The following ZNF536 variants were observed in gnomAD, a reference collection of about 807,000 sequenced individuals.
ZNF536 encodes the protein zinc finger protein 536.
Under a neutral mutation model 84.5 loss-of-function variants are expected in ZNF536, and 13 were observed. That is an observed-to-expected ratio of 0.15 (90% CI 0.10 to 0.24). The LOEUF (loss-of-function observed/expected upper bound fraction) is 0.24, where lower values mean the gene tolerates loss of function less well. ZNF536 is among the 10% of genes least tolerant of loss of function. The pLI is 1.00. For missense variants in ZNF536, 1,536 were observed against 1,747.5 expected (o/e 0.88, Z 2.16); for synonymous variants, 811 against 742.5 (o/e 1.09, Z -1.50).
intron 1 of ZNF536, among the ~76,000 whole-genome samples, chr19:30,669,030 G>A (rs2050443752): frequency 6.6e-6 from 1 of 152,204 alleles, no homozygotes; most frequent in South Asian, 2.1e-4. Flanking sequence ...ACACGCCTGG[G>A]TGCATTGTGC....
At chr19:30,387,408 G>T (rs1345313887) in intron 1 of ZNF536, among the ~76,000 whole-genome samples, 1 of 152,218 alleles carries the variant, frequency 6.6e-6, no homozygotes, top group African/African-American at 2.4e-5. Context: ...GGAGGCTGAT[G>T]CAGGGGCCAT....
intron 2 of ZNF536, among the ~76,000 whole-genome samples, chr19:30,329,264 C>T (rs180935546): frequency 2.0e-5 from 3 of 152,296 alleles, no homozygotes; most frequent in East Asian, 3.9e-4. Context: ...TTACAGGGAA[C>T]ATTTTTGCTT....
intron 1 of ZNF536, among the ~76,000 whole-genome samples, chr19:30,632,540 A>AG (rs1268429082): frequency 6.6e-6 from 1 of 152,174 alleles, no homozygotes; most frequent in Non-Finnish European, 1.5e-5. Context: ...TGGGAGGTGG[A>AG]GGTTGCAGTG....
chr19:30,404,881 C>T (rs1284793213), intron 1 of ZNF536, among the ~76,000 whole-genome samples: 1 of 152,216 alleles, frequency 6.6e-6, no homozygotes, highest in African/African-American at 2.4e-5. Flanking sequence ...GTCCAGGCCT[C>T]ACGAACTTCT....
chr19:30,405,260 G>A (rs1302370434), intron 1 of ZNF536, among the ~76,000 whole-genome samples: 1 of 152,218 alleles, frequency 6.6e-6, no homozygotes, highest in Non-Finnish European at 1.5e-5. Flanking sequence ...TTAGAGTCCT[G>A]CCTTGGGGCA....
chr19:30,517,190 G>A (rs2044115348), intron 2 of ZNF536, among the ~76,000 whole-genome samples: 1 of 152,200 alleles, frequency 6.6e-6, no homozygotes, highest in Non-Finnish European at 1.5e-5. Flanking sequence ...TTGAAAGTCT[G>A]TTTCTCTCCC....
At chr19:30,551,684 G>A (rs954013296) in intron 4 of ZNF536, among the ~76,000 whole-genome samples, 2 of 152,178 alleles carry the variant, frequency 1.3e-5, no homozygotes, top group Non-Finnish European at 2.9e-5. Context: ...TCCACTCCTG[G>A]GAAGATGCTG....
intron 3 of ZNF536, among the ~76,000 whole-genome samples, chr19:30,537,008 C>T (rs549082608): frequency 1.3e-5 from 2 of 152,312 alleles, no homozygotes; most frequent in South Asian, 4.1e-4. Context: ...TGTCACTTCT[C>T]TCCATAGTGC....
At chr19:30,334,587 T>C (rs2047318664) in intron 2 of ZNF536, among the ~76,000 whole-genome samples, 1 of 152,186 alleles carries the variant, frequency 6.6e-6, no homozygotes. Context: ...GTTCTACAAA[T>C]ACTGGCCCGT....
At chr19:30,712,126 T>G (rs2052471540) in exon 2 of ZNF536, 1 of 152,222 alleles carries the variant, frequency 6.6e-6, no homozygotes, top group Non-Finnish European at 1.5e-5. Flanking sequence ...TGTCTGTTTT[T>G]GTAAAACAAA....
At chr19:30,286,198 A>T (rs993522497) in intron 2 of ZNF536, among the ~76,000 whole-genome samples, 4 of 152,196 alleles carry the variant, frequency 2.6e-5, no homozygotes, top group Non-Finnish European at 5.9e-5. Flanking sequence ...AAAGGGCTTT[A>T]AAATCTGTGT....
At chr19:30,578,182 G>T (rs2046803618) in intron 1 of ZNF536, among the ~76,000 whole-genome samples, 1 of 152,170 alleles carries the variant, frequency 6.6e-6, no homozygotes, top group African/African-American at 2.4e-5. Flanking sequence ...AATCTGAAGG[G>T]GTTTCTGGAG....
chr19:30,558,043 A>T lies in ZNF536; in HGVS notation c.*879A>T, dbSNP rs2046025342. 6.6e-6 allele frequency: 1 copy of T among 152,562 alleles called. No homozygotes were observed. The highest frequency in any genetic ancestry group is 2.1e-4 in the South Asian group (1 of 4,828). The allele number at this position is 152,562 out of a possible 1,614,324, so 9.5% of individuals were successfully genotyped here. On this transcript the variant is annotated 3_prime_UTR_variant, in exon 5 of 5. Coordinates refer to ENST00000355537, the MANE Select transcript of ZNF536 (RefSeq NM_014717.3). The stretch of plus-strand genomic sequence containing the variant: ...ATCTTGGTATTGCTAATAAAAAAAA[A>T]AAGCTGTGAAACATTAGTGCAGTTT...
At chr19:30,568,083 A>G (rs1223536888) in intron 1 of ZNF536, among the ~76,000 whole-genome samples, 1 of 152,226 alleles carries the variant, frequency 6.6e-6, no homozygotes, top group Non-Finnish European at 1.5e-5. Context: ...CAGATGTACA[A>G]ATTAGGTATT....
At chr19:30,282,109 G>A (rs948099389) in intron 1 of ZNF536, among the ~76,000 whole-genome samples, 3 of 152,144 alleles carry the variant, frequency 2.0e-5, no homozygotes, top group Non-Finnish European at 2.9e-5. Flanking sequence ...ACCTTTCCCC[G>A]ACCCGCAGTG....
At chr19:30,456,406 T>C (rs1454039173) in intron 2 of ZNF536, among the ~76,000 whole-genome samples, 1 of 151,340 alleles carries the variant, frequency 6.6e-6, no homozygotes, top group Admixed American at 6.6e-5. Context: ...TCTGCACCAT[T>C]ATTTCCTTAG....
chr19:30,539,559 T>TA (rs2045244053), intron 3 of ZNF536, among the ~76,000 whole-genome samples: 1 of 152,138 alleles, frequency 6.6e-6, no homozygotes, highest in African/African-American at 2.4e-5. Flanking sequence ...AGCAAACATC[T>TA]AGTTGTAACA....
chr19:30,360,284 G>A (rs1037111595), intron 3 of ZNF536, among the ~76,000 whole-genome samples: 1 of 152,206 alleles, frequency 6.6e-6, no homozygotes. Flanking sequence ...CCTTCATCCT[G>A]TTCACATGCA....
intron 2 of ZNF536, among the ~76,000 whole-genome samples, chr19:30,479,218 C>G (rs1353951419): frequency 6.6e-6 from 1 of 152,108 alleles, no homozygotes; most frequent in Non-Finnish European, 1.5e-5. Context: ...ATTTAGGGAC[C>G]AGGCCAGTGG....
Sources: gnomAD v4.1 joint callset for allele counts (sites outside exome capture counted in the v4.1 genomes callset) on GRCh38, gnomAD v4.1.1 for gene constraint, MANE v1.5 for transcripts, NCBI Gene and HGNC (gene_info 2026-07-23, HGNC 2026-07-21) for gene names.